The following MS4A13 variants were observed in gnomAD, a reference collection of about 807,000 sequenced individuals.
The protein encoded by MS4A13 is membrane-spanning 4-domains subfamily A member 13.
MS4A13 carries 21 observed loss-of-function variants against 18.4 expected under a neutral mutation model. That is an observed-to-expected ratio of 1.14 (90% CI 0.81 to 1.64). The LOEUF (loss-of-function observed/expected upper bound fraction) is 1.64. MS4A13 is among the 40% of genes most tolerant of loss of function. The pLI, the probability that MS4A13 is intolerant of heterozygous loss-of-function variation, is 0.00. For synonymous variants in MS4A13, 62 were observed against 57.2 expected (o/e 1.08, Z -0.38); for missense variants, 173 against 176.8 (o/e 0.98, Z 0.12).
Position 60,529,433 on chromosome 11 carries a change from A to G in MS4A13, c.375A>G (p.Thr125=). The G allele has an allele frequency of 1.2e-6, 2 of 1,608,042 alleles. No individual in the cohort carries two copies. The highest frequency in any genetic ancestry group is 2.7e-5 in the African/African-American group (2 of 74,732). Residue 125 remains threonine (T), a synonymous_variant, in exon 6 of 7, where the codon ACA becomes ACG. Transcript: ENST00000378186. ...GTTTGGAATTTTCTATTGCACTTAC[A>G]CACTCAATATACAGCTGTTCCAATT... is the stretch of plus-strand genomic sequence containing the variant. ...FYGLEFSIAL[T]HSIYSCSNLF...
intron 6 of MS4A13, among the ~76,000 whole-genome samples, chr11:60,541,964 G>A (rs193220961): frequency 4.6e-4 from 70 of 152,134 alleles, no homozygotes; most frequent in African/African-American, 1.7e-3. Flanking sequence ...AGCCAGGCAT[G>A]GTGGCACAGG....
chr11:60,516,465 T>C (rs2086638162), intron 2 of MS4A13, among the ~76,000 whole-genome samples: 1 of 152,242 alleles, frequency 6.6e-6, no homozygotes, highest in South Asian at 2.1e-4. Context: ...TATCATGCTT[T>C]TTCACATCCA....
At chr11:60,533,374 T>G (rs1238364877) in intron 6 of MS4A13, among the ~76,000 whole-genome samples, 2 of 120,940 alleles carry the variant, frequency 1.7e-5, no homozygotes, top group Non-Finnish European at 3.4e-5. Context: ...ACGTGAAGAA[T>G]GCAGAAGCCT....
At chr11:60,531,328 A>G (rs938305097) in intron 6 of MS4A13, among the ~76,000 whole-genome samples, 7 of 152,200 alleles carry the variant, frequency 4.6e-5, no homozygotes, top group Admixed American at 2.6e-4. Context: ...TCAACAGAGA[A>G]ATTTGAAGAA....
intron 5 of MS4A13, among the ~76,000 whole-genome samples, chr11:60,527,695 G>A (rs1003391600): frequency 2.0e-5 from 3 of 151,974 alleles, no homozygotes; most frequent in Non-Finnish European, 4.4e-5. Context: ...AGTTAGCTGG[G>A]CATGGCGGTG....
At chr11:60,529,255 CTTTTTTTT>C (rs10667098) in intron 5 of MS4A13, 102 bp from the exon 6 acceptor site, 4 of 172,248 alleles carry the variant, frequency 2.3e-5, no homozygotes, top group East Asian at 1.5e-4. Context: ...ATTTTCCTTC[CTTTTTTTT>C]TTTTTTTTTT....
chr11:60,534,766 G>C (rs1401229282), intron 6 of MS4A13, among the ~76,000 whole-genome samples: 1 of 5,272 alleles, frequency 1.9e-4, no homozygotes, highest in Admixed American at 3.1e-3. Context: ...TGACCACATA[G>C]TTGGAAGTAA....
intron 6 of MS4A13, 31 bp from the exon 7 acceptor site, chr11:60,542,486 GAT>G: frequency 6.8e-7 from 1 of 1,461,254 alleles, no homozygotes; most frequent in Non-Finnish European, 9.5e-7. Context: ...TAAGAAACAT[GAT>G]ATGATTTGTA....
At position 60,523,934 on chromosome 11, in the gene MS4A13, A is replaced by G; in HGVS notation, c.167A>G (p.Lys56Arg). The change falls in exon 4 of 7, where the codon AAG becomes AGG. Residue 56 changes from lysine to arginine, a missense_variant. Coordinates refer to ENST00000378186, the MANE Select transcript of MS4A13 (RefSeq NM_001012417.3). ...GGAGTCTTCCTAATAAGAGTAACAA[A>G]GTATCCGACTCGATCTGGAGTAAGT... ...IAGVFLIRVT[K>R]YPTRSGIIST... The G allele has an allele frequency of 6.5e-7, 1 of 1,548,108 alleles. No homozygotes were observed. The highest frequency in any genetic ancestry group is 1.1e-5 in the South Asian group (1 of 89,298).
chr11:60,518,236 C>T, intron 3 of MS4A13, 24 bp downstream of exon 3: 1 of 1,552,314 alleles, frequency 6.4e-7, no homozygotes, highest in Non-Finnish European at 8.7e-7. Context: ...ATATATATTG[C>T]TTTAATCATA....
intron 3 of MS4A13, among the ~76,000 whole-genome samples, chr11:60,521,967 A>T (rs2086676787): frequency 6.6e-6 from 1 of 152,176 alleles, no homozygotes; most frequent in African/African-American, 2.4e-5. Flanking sequence ...GTCACATCTT[A>T]CATGAATGGC....
At chr11:60,521,795 AC>A (rs2086675514) in intron 3 of MS4A13, among the ~76,000 whole-genome samples, 1 of 152,044 alleles carries the variant, frequency 6.6e-6, no homozygotes, top group Non-Finnish European at 1.5e-5. Context: ...TTTCAGCAGC[AC>A]CCCACTCCTG....
At chr11:60,521,963 T>C (rs952546562) in intron 3 of MS4A13, among the ~76,000 whole-genome samples, 1 of 152,108 alleles carries the variant, frequency 6.6e-6, no homozygotes, top group Non-Finnish European at 1.5e-5. Context: ...GCAAGTCACA[T>C]CTTACATGAA....
At chr11:60,518,246 A>T in intron 3 of MS4A13, 34 bp downstream of exon 3, 1 of 1,526,328 alleles carries the variant, frequency 6.6e-7, no homozygotes, top group Non-Finnish European at 8.9e-7. Context: ...CTTTAATCAT[A>T]CAATAAATAA....
intron 4 of MS4A13, among the ~76,000 whole-genome samples, chr11:60,524,161 T>A (rs1357976481): frequency 2.6e-5 from 4 of 152,304 alleles, no homozygotes; most frequent in African/African-American, 9.6e-5. Context: ...TATGTATAGG[T>A]TTCTAAATGT....
chr11:60,540,049 G>A (rs1296319328), intron 6 of MS4A13, among the ~76,000 whole-genome samples: 1 of 152,202 alleles, frequency 6.6e-6, no homozygotes, highest in Non-Finnish European at 1.5e-5. Flanking sequence ...ATGAAAATCA[G>A]TATAAATACA....
At chr11:60,530,737 T>C (rs1229552431) in intron 6 of MS4A13, among the ~76,000 whole-genome samples, 1 of 152,204 alleles carries the variant, frequency 6.6e-6, no homozygotes, top group Non-Finnish European at 1.5e-5. Context: ...TCATCTTGAA[T>C]TGTAATCCCC....
At chr11:60,522,759 G>A (rs1022344461) in intron 3 of MS4A13, among the ~76,000 whole-genome samples, 1 of 152,128 alleles carries the variant, frequency 6.6e-6, no homozygotes, top group African/African-American at 2.4e-5. Context: ...GGTGATAAAT[G>A]ATAAATGATG....
chr11:60,517,027 G>A lies in MS4A13; in HGVS notation c.-13+943G>A, dbSNP rs2086642012. 2.0e-5 allele frequency among the ~76,000 whole-genome samples: 3 copies of A among 151,650 alleles called. No individual in the cohort carries two copies. The South Asian group carries it at 6.2e-4, about 31-fold the overall frequency. ...AACAATAAAAAAAAAAAAACTCCAGGCCCTAAGGGATTTTGCAGTCTAGTG... is the reference window on the plus strand; with the variant it reads ...AACAATAAAAAAAAAAAAACTCCAGACCCTAAGGGATTTTGCAGTCTAGTG... On this transcript the variant is annotated intron_variant, in intron 2 of 6. Coordinates refer to ENST00000378186, the MANE Select transcript of MS4A13 (RefSeq NM_001012417.3).
Sources: gnomAD v4.1 joint callset for allele counts (sites outside exome capture counted in the v4.1 genomes callset) on GRCh38, gnomAD v4.1.1 for gene constraint, MANE v1.5 for transcripts, NCBI Gene and HGNC (gene_info 2026-07-23, HGNC 2026-07-21) for gene names.